The following SDAD1 variants were observed in gnomAD, a reference collection of about 807,000 sequenced individuals.
SDAD1 encodes protein SDA1 homolog.
Under a neutral mutation model 100.3 loss-of-function variants are expected in SDAD1, and 79 were observed. The observed-to-expected ratio is 0.79, with a 90% CI of 0.66 to 0.95. The LOEUF (loss-of-function observed/expected upper bound fraction) is 0.95, where lower values mean the gene tolerates loss of function less well. Ranked by LOEUF, SDAD1 falls within the 40% of genes least tolerant of loss-of-function variation. The pLI, the probability that SDAD1 is intolerant of heterozygous loss-of-function variation, is 0.00. For synonymous variants in SDAD1, 267 were observed against 271.4 expected (o/e 0.98, Z 0.16); for missense variants, 790 against 810.9 (o/e 0.97, Z 0.31).
At chr4:75,962,969 T>A (rs189950597) in intron 14 of SDAD1, among the ~76,000 whole-genome samples, 3 of 152,224 alleles carry the variant, frequency 2.0e-5, no homozygotes, top group African/African-American at 7.2e-5. Flanking sequence ...TCCTTGTCCA[T>A]GCCTATGTCC....
chr4:75,962,251 G>C (rs1214099255), intron 14 of SDAD1, among the ~76,000 whole-genome samples: 1 of 152,208 alleles, frequency 6.6e-6, no homozygotes, highest in Non-Finnish European at 1.5e-5. Flanking sequence ...TGGCTGCATA[G>C]TATTCCATAG....
intron 14 of SDAD1, among the ~76,000 whole-genome samples, chr4:75,962,649 G>C (rs183315182): frequency 6.6e-6 from 1 of 152,334 alleles, no homozygotes; most frequent in Admixed American, 6.5e-5. Flanking sequence ...CTGATGGCCA[G>C]TGATGATAAG....
chr4:75,972,469 T>C (rs1029189040), intron 8 of SDAD1, among the ~76,000 whole-genome samples: 2 of 151,738 alleles, frequency 1.3e-5, no homozygotes, highest in East Asian at 1.9e-4. Flanking sequence ...TAGTTTACTA[T>C]GGCATATGTA....
chr4:75,962,315 TGGTTCC>T (rs1053755350), intron 14 of SDAD1, among the ~76,000 whole-genome samples: 1 of 152,242 alleles, frequency 6.6e-6, no homozygotes, highest in African/African-American at 2.4e-5. Context: ...ACATTTGGGT[TGGTTCC>T]AAGTCTTTGC....
chr4:75,974,204 C>G, intron 6 of SDAD1, 71 bp from the exon 7 acceptor site: 1 of 1,203,096 alleles, frequency 8.3e-7, no homozygotes, highest in South Asian at 1.2e-5. Flanking sequence ...GACAATGGCA[C>G]AAAATAAATG....
chr4:75,981,628 T>G (rs939416900), intron 2 of SDAD1, 158 bp from the exon 3 acceptor site: 14 of 1,230,742 alleles, frequency 1.1e-5, no homozygotes, highest in Non-Finnish European at 1.6e-5. Context: ...TGTTAATTTC[T>G]CCAACATTTA....
chr4:75,981,497 A>T, intron 2 of SDAD1, 27 bp from the exon 3 acceptor site: 1 of 1,613,150 alleles, frequency 6.2e-7, no homozygotes, highest in Non-Finnish European at 8.5e-7. Flanking sequence ...GCTCTTCTGA[A>T]GTTGCTCTCT....
intron 12 of SDAD1, among the ~76,000 whole-genome samples, chr4:75,966,026 C>A (rs1729518918): frequency 6.6e-6 from 1 of 152,082 alleles, no homozygotes; most frequent in South Asian, 2.1e-4. Flanking sequence ...AAAAGTCTCT[C>A]CTGACCACAC....
In SDAD1 at chr4:75,971,368, T is replaced by G; in HGVS notation, c.802A>C (p.Lys268Gln). The change falls in exon 9 of 22, where the codon AAA becomes CAA. Residue 268 changes from lysine (K) to glutamine (Q), a missense_variant. By Grantham distance (53) the Lys-to-Gln change is moderately conservative (BLOSUM62 1). Coordinates refer to ENST00000356260, the MANE Select transcript of SDAD1 (RefSeq NM_018115.4). ...GATACAAGTCCCACCTTGAGCACTT[T>G]CATTGCCTTTTCCAACTTTTTCTTG... Reference protein sequence around the residue: ...KNKKKLEKAMKVLKKQKKKKK... With the variant: ...KNKKKLEKAMQVLKKQKKKKK... 1.2e-6 allele frequency: 2 copies of G among 1,612,758 alleles called. No individual in the cohort carries two copies. The highest frequency in any genetic ancestry group is 1.7e-6 in the Non-Finnish European group (2 of 1,178,838).
intron 20 of SDAD1, among the ~76,000 whole-genome samples, chr4:75,956,679 CTG>C (rs1373261462): frequency 6.6e-6 from 1 of 152,216 alleles, no homozygotes; most frequent in African/African-American, 2.4e-5. Context: ...TCACTGGTGA[CTG>C]TAAACACATT....
chr4:75,969,712 T>TCAGG (rs1445693087), intron 10 of SDAD1, among the ~76,000 whole-genome samples: 1 of 152,122 alleles, frequency 6.6e-6, no homozygotes, highest in African/African-American at 2.4e-5. Flanking sequence ...ATGCAGAAGC[T>TCAGG]CAGGCCCCAC....
At chr4:75,956,396 G>GC (rs1728894349) in intron 20 of SDAD1, among the ~76,000 whole-genome samples, 1 of 110,904 alleles carries the variant, frequency 9.0e-6, no homozygotes, top group Admixed American at 1.1e-4. Context: ...CAGGTAGACT[G>GC]TTTTTTTTTT....
At position 75,975,734 on chromosome 4, in the gene SDAD1, T is replaced by C; in HGVS notation, c.578+10A>G. The C allele has an allele frequency of 3.2e-6, 5 of 1,585,734 alleles. No homozygotes were observed. Among genetic ancestry groups the C allele is most frequent in the Non-Finnish European group, 4.3e-6 (5 of 1,154,634 alleles). On this transcript the variant is annotated intron_variant, in intron 6 of 21. Transcript: ENST00000356260. Reference sequence around the variant, plus strand: ...GTCTACTTCTCAAGAGACAAATATATATACACTACCAGATGTTCCTTCTGT... The same window carrying C: ...GTCTACTTCTCAAGAGACAAATATACATACACTACCAGATGTTCCTTCTGT...
At chr4:75,964,419 T>C (rs1729423370) in intron 13 of SDAD1, among the ~76,000 whole-genome samples, 1 of 152,144 alleles carries the variant, frequency 6.6e-6, no homozygotes, top group Non-Finnish European at 1.5e-5. Context: ...TCAGACTAAA[T>C]CAAAGAAAGG....
At chr4:75,971,683 C>CA (rs1183741794) in intron 8 of SDAD1, among the ~76,000 whole-genome samples, 1 of 152,022 alleles carries the variant, frequency 6.6e-6, no homozygotes, top group Non-Finnish European at 1.5e-5. Context: ...CCAGCCTGGC[C>CA]AACATAGCAA....
chr4:75,950,749 G>A lies in SDAD1; in HGVS notation c.*1C>T. On this transcript the variant is annotated 3_prime_UTR_variant, in exon 22 of 22. Coordinates refer to ENST00000356260, the MANE Select transcript of SDAD1 (RefSeq NM_018115.4). ...CTAGGAATGGAAAACTTGCCAGGAAGTTACTTCATTCTTTTTCTCTTTTTC... is the reference window on the plus strand; with the variant it reads ...CTAGGAATGGAAAACTTGCCAGGAAATTACTTCATTCTTTTTCTCTTTTTC... 1 of 1,584,006 alleles carries A rather than the reference G, an allele frequency of 6.3e-7. No homozygotes were observed. The highest frequency in any genetic ancestry group is 1.1e-5 in the South Asian group (1 of 88,542).
chr4:75,984,778 A>ACAAACAC (rs1730779567), intron 1 of SDAD1, among the ~76,000 whole-genome samples: 1 of 136,928 alleles, frequency 7.3e-6, no homozygotes, highest in Non-Finnish European at 1.6e-5. Flanking sequence ...CACACACACA[A>ACAAACAC]ACACACACAC....
intron 8 of SDAD1, 90 bp downstream of exon 8, chr4:75,973,227 C>T: frequency 9.7e-7 from 1 of 1,030,824 alleles, no homozygotes; most frequent in Middle Eastern, 2.1e-4. Context: ...ATCTAAGTTT[C>T]TTTCTAACTT....
At chr4:75,981,809 A>T (rs550746173) in intron 2 of SDAD1, 124 bp downstream of exon 2, 1 of 815,876 alleles carries the variant, frequency 1.2e-6, no homozygotes, top group African/African-American at 1.7e-5. Context: ...GCAAAAAGGG[A>T]AAGTTAGAAA....
Sources: gnomAD v4.1 joint callset for allele counts (sites outside exome capture counted in the v4.1 genomes callset) on GRCh38, gnomAD v4.1.1 for gene constraint, MANE v1.5 for transcripts, NCBI Gene and HGNC (gene_info 2026-07-23, HGNC 2026-07-21) for gene names.